Variants in VPS13D observed in about 807,000 individuals in gnomAD.
VPS13D encodes intermembrane lipid transfer protein VPS13D.
VPS13D carries 187 observed loss-of-function variants against 461.9 expected under a neutral mutation model. The observed-to-expected ratio is 0.40, with a 90% CI of 0.36 to 0.46. VPS13D has a LOEUF of 0.46. Among genes scored for constraint, VPS13D ranks in the 20% least tolerant of loss-of-function variants. VPS13D has a pLI of 0.60. For synonymous variants in VPS13D, 1,951 were observed against 1,986.3 expected (o/e 0.98, Z 0.47); for missense variants, 4,711 against 5,364.9 (o/e 0.88, Z 3.81).
At chr1:12,327,609 G>A (rs755405809) in intron 35 of VPS13D, 39 bp from the exon 36 acceptor site, 1 of 1,606,622 alleles carries the variant, frequency 6.2e-7, no homozygotes, top group Admixed American at 1.7e-5. Flanking sequence ...GGTAGCTGTG[G>A]AAGCTGGTAG....
chr1:12,300,293 CG>C (rs1455607922), intron 25 of VPS13D, among the ~76,000 whole-genome samples: 1 of 150,886 alleles, frequency 6.6e-6, no homozygotes, highest in Non-Finnish European at 1.5e-5. Context: ...CTGTGACCTC[CG>C]TCTCCTGGGT....
At chr1:12,339,293 G>A (rs1365052960) in intron 40 of VPS13D, among the ~76,000 whole-genome samples, 1 of 152,170 alleles carries the variant, frequency 6.6e-6, no homozygotes, top group Non-Finnish European at 1.5e-5. Context: ...GACACTAGGT[G>A]ATTTGCCTTT....
chr1:12,409,793 G>T (rs552452859), intron 63 of VPS13D: 4 of 442,184 alleles, frequency 9.0e-6, no homozygotes, highest in Admixed American at 7.7e-5. Context: ...GACAGATCGT[G>T]GGGGCGGGGT....
chr1:12,465,864 T>C (rs12081865), intron 67 of VPS13D, among the ~76,000 whole-genome samples: 6,513 of 152,172 alleles, frequency 0.043, 252 homozygotes, highest in Admixed American at 0.11. Flanking sequence ...AGGCCGGGTG[T>C]GGTGGCTCAC....
chr1:12,493,542 G>A (rs916041633), intron 67 of VPS13D, among the ~76,000 whole-genome samples: 2 of 151,518 alleles, frequency 1.3e-5, no homozygotes, highest in Non-Finnish European at 2.9e-5. Flanking sequence ...AGGCTTACTG[G>A]AACATACAGG....
At chr1:12,401,382 G>T (rs1371177043) in intron 61 of VPS13D, among the ~76,000 whole-genome samples, 1 of 152,194 alleles carries the variant, frequency 6.6e-6, no homozygotes, top group Non-Finnish European at 1.5e-5. Context: ...GGCCCAGATT[G>T]CCTGGGAACC....
chr1:12,293,779 A>C, intron 24 of VPS13D, 75 bp downstream of exon 24: 7 of 1,451,548 alleles, frequency 4.8e-6, no homozygotes, highest in Non-Finnish European at 6.5e-6. Context: ...CTAGAGATGA[A>C]TCTGGAAGAG....
intron 67 of VPS13D, among the ~76,000 whole-genome samples, chr1:12,484,827 C>T (rs1028396816): frequency 7.2e-5 from 11 of 151,976 alleles, no homozygotes; most frequent in African/African-American, 2.4e-4. Context: ...TTGTTGAATC[C>T]GAATCTTTTT....
At chr1:12,242,054 G>A in intron 2 of VPS13D, among the ~76,000 whole-genome samples, 1 of 151,418 alleles carries the variant, frequency 6.6e-6, no homozygotes, top group East Asian at 1.9e-4. Flanking sequence ...AATGGTTTTT[G>A]CATTTTTAAA....
chr1:12,245,532 T>G (rs2101214793), intron 5 of VPS13D, among the ~76,000 whole-genome samples: 1 of 152,322 alleles, frequency 6.6e-6, no homozygotes, highest in South Asian at 2.1e-4. Context: ...CACCACTAAA[T>G]AATTCCAGAA....
At position 12,383,201 on chromosome 1, in the gene VPS13D, C is replaced by T. The variant is rs1195549738; in HGVS notation, c.11370+46C>T. 1.9e-6 allele frequency: 3 copies of T among 1,544,262 alleles called. No homozygotes were observed. The African/African-American group carries it at 4.1e-5, about 21-fold the overall frequency. On this transcript the variant is annotated intron_variant, in intron 58 of 69. Transcript: ENST00000620676. Reference sequence around the variant, plus strand: ...CTGATGTGAAACTCTGTACTTCCTCCACCCCCAATGATTACTCATTTAACA... The same window carrying T: ...CTGATGTGAAACTCTGTACTTCCTCTACCCCCAATGATTACTCATTTAACA...
chr1:12,315,879 C>T (rs141007267), intron 30 of VPS13D, among the ~76,000 whole-genome samples: 3,013 of 152,012 alleles, frequency 0.02, 129 homozygotes, highest in Admixed American at 0.11. Flanking sequence ...TGCAGTGGCA[C>T]GATCTCAGCT....
At chr1:12,451,220 T>C (rs1038874578) in intron 65 of VPS13D, among the ~76,000 whole-genome samples, 1 of 152,228 alleles carries the variant, frequency 6.6e-6, no homozygotes. Flanking sequence ...CCAGGCTAAT[T>C]TGCAGTGTCT....
Position 12,383,151 on chromosome 1 carries a change from T to C in VPS13D, c.11366T>C (p.Leu3789Pro). ...RVIPDGPTRA[L>P]QITDFCHRKS... ...ATCCCAGATGGACCAACTAGAGCAC[T>C]CCAGGTGATAATTTGTCATAAGAGC... The change falls in exon 58 of 70, where the codon CTC becomes CCC. Residue 3789 changes from leucine to proline, a missense_variant. Around this residue, in one of 3 missense-constraint regions of VPS13D, gnomAD observed 4,411 missense variants for 4,937.8 expected, o/e 0.89. Coordinates refer to ENST00000620676, the MANE Select transcript of VPS13D (RefSeq NM_015378.4). 6.2e-7 allele frequency: 1 copy of C among 1,609,770 alleles called. No individual in the cohort carries two copies. Among genetic ancestry groups the C allele is most frequent in the Non-Finnish European group, 8.5e-7 (1 of 1,178,448 alleles).
In VPS13D at chr1:12,416,754, G is replaced by A. The variant is rs764073239; in HGVS notation, c.12260G>A (p.Gly4087Glu). The change falls in exon 65 of 70, where the codon GGA becomes GAA. Residue 4087 changes from glycine to glutamate, a missense_variant. By Grantham distance (98) the Gly-to-Glu change is moderately conservative. Transcript: ENST00000620676. ...LLNDVSEGVT[G>E]LIKYGNVGGL... ...AATGATGTTTCTGAAGGGGTTACTG[G>A]ACTGATAAAATATGGAAATGTCGGG... is the stretch of plus-strand genomic sequence containing the variant. 2 of 1,614,058 alleles carry A rather than the reference G, an allele frequency of 1.2e-6. No individual in the cohort carries two copies. The highest frequency in any genetic ancestry group is 1.7e-6 in the Non-Finnish European group (2 of 1,179,998).
chr1:12,300,503 C>T (rs1046253978), intron 25 of VPS13D, among the ~76,000 whole-genome samples: 3 of 152,100 alleles, frequency 2.0e-5, no homozygotes, highest in Non-Finnish European at 4.4e-5. Flanking sequence ...CCACCATGCC[C>T]GGCCACATTT....
chr1:12,463,698 T>G (rs1261512107), intron 67 of VPS13D, among the ~76,000 whole-genome samples: 4 of 151,926 alleles, frequency 2.6e-5, no homozygotes, highest in African/African-American at 7.2e-5. Flanking sequence ...GAGGCTGCAG[T>G]GAGCTATGAT....
chr1:12,255,522 G>C (rs1486765670), intron 7 of VPS13D, among the ~76,000 whole-genome samples: 1 of 152,122 alleles, frequency 6.6e-6, no homozygotes, highest in Non-Finnish European at 1.5e-5. Context: ...GGGTGGCTGG[G>C]GGATGAGACT....
At chr1:12,500,969 G>C (rs1646027443) in intron 68 of VPS13D, among the ~76,000 whole-genome samples, 1 of 151,860 alleles carries the variant, frequency 6.6e-6, no homozygotes, top group Admixed American at 6.6e-5. Context: ...TGGGAGGATG[G>C]TTTGAGCCTG....
Sources: gnomAD v4.1 joint callset for allele counts (sites outside exome capture counted in the v4.1 genomes callset) on GRCh38, gnomAD v4.1.1 for gene constraint, gnomAD v4.1.1 regional missense constraint, MANE v1.5 for transcripts, NCBI Gene and HGNC (gene_info 2026-07-23, HGNC 2026-07-21) for gene names.